IQCJ: variants seen among roughly 807,000 people sequenced by gnomAD.
IQCJ encodes the protein IQ domain-containing protein J.
Under a neutral mutation model 11.0 loss-of-function variants are expected in IQCJ, and 9 were observed. That is an observed-to-expected ratio of 0.82 (90% CI 0.49 to 1.43). The LOEUF (loss-of-function observed/expected upper bound fraction) is 1.43, where lower values mean the gene tolerates loss of function less well. Ranked by LOEUF, IQCJ falls within the 40% of genes most tolerant of loss-of-function variation. The pLI, the probability that IQCJ is intolerant of heterozygous loss-of-function variation, is 0.00. For synonymous variants in IQCJ, 55 were observed against 51.3 expected (o/e 1.07, Z -0.31); for missense variants, 146 against 133.2 (o/e 1.10, Z -0.47).
intron 1 of IQCJ, among the ~76,000 whole-genome samples, chr3:159,239,292 A>T (rs1726769002): frequency 6.6e-6 from 1 of 152,202 alleles, no homozygotes; most frequent in African/African-American, 2.4e-5. Flanking sequence ...TTAGTCATTG[A>T]CCTTATGTTT....
intron 1 of IQCJ, among the ~76,000 whole-genome samples, chr3:159,193,926 T>C (rs1723835406): frequency 6.6e-6 from 1 of 152,220 alleles, no homozygotes; most frequent in Admixed American, 6.5e-5. Context: ...AAAACTGGTA[T>C]GGCTGATGAC....
At chr3:159,117,102 C>A (rs780566352) in intron 1 of IQCJ, among the ~76,000 whole-genome samples, 2 of 152,190 alleles carry the variant, frequency 1.3e-5, no homozygotes, top group South Asian at 4.1e-4. Flanking sequence ...TACTTGCTGC[C>A]TTTGCCACCT....
chr3:159,077,852 C>T (rs551374887), intron 1 of IQCJ, among the ~76,000 whole-genome samples: 2 of 152,104 alleles, frequency 1.3e-5, no homozygotes, highest in Admixed American at 6.6e-5. Flanking sequence ...TCCTTTGTTC[C>T]CTTTACTGCC....
chr3:159,260,545 A>T (rs1456629206), intron 3 of IQCJ, among the ~76,000 whole-genome samples: 2 of 152,188 alleles, frequency 1.3e-5, no homozygotes, highest in African/African-American at 4.8e-5. Flanking sequence ...AACTCAGAGG[A>T]TGTGAACATC....
chr3:159,214,313 G>T (rs1324496141), intron 1 of IQCJ, among the ~76,000 whole-genome samples: 2 of 152,040 alleles, frequency 1.3e-5, no homozygotes, highest in Non-Finnish European at 2.9e-5. Flanking sequence ...ACAACCTGGG[G>T]GTAGCTCCAG....
At chr3:159,143,726 A>G (rs532086855) in intron 1 of IQCJ, among the ~76,000 whole-genome samples, 4 of 152,212 alleles carry the variant, frequency 2.6e-5, no homozygotes, top group African/African-American at 9.6e-5. Context: ...TAGCCAGTCA[A>G]CTCTTTCTGT....
chr3:159,258,324 A>T (rs1257983943), intron 3 of IQCJ, among the ~76,000 whole-genome samples: 1 of 152,184 alleles, frequency 6.6e-6, no homozygotes, highest in Non-Finnish European at 1.5e-5. Flanking sequence ...CCATGTGTGC[A>T]TCTCCAAACT....
At chr3:159,117,124 A>G (rs1379873122) in intron 1 of IQCJ, among the ~76,000 whole-genome samples, 1 of 152,138 alleles carries the variant, frequency 6.6e-6, no homozygotes, top group Non-Finnish European at 1.5e-5. Context: ...GCTTTCCCCT[A>G]ATTCCTTAAT....
chr3:159,220,414 A>T (rs1725470366), intron 1 of IQCJ, among the ~76,000 whole-genome samples: 1 of 152,142 alleles, frequency 6.6e-6, no homozygotes, highest in Non-Finnish European at 1.5e-5. Context: ...AGCACCAGGG[A>T]AATGTGGGCA....
intron 1 of IQCJ, among the ~76,000 whole-genome samples, chr3:159,240,109 A>G (rs1355709491): frequency 6.6e-6 from 1 of 152,132 alleles, no homozygotes; most frequent in Non-Finnish European, 1.5e-5. Context: ...AAAATAGGGG[A>G]TAAATGTGGA....
intron 1 of IQCJ, among the ~76,000 whole-genome samples, chr3:159,206,919 T>G (rs1724688126): frequency 6.6e-6 from 1 of 152,240 alleles, no homozygotes; most frequent in African/African-American, 2.4e-5. Flanking sequence ...ATTTGAAGTT[T>G]GAAAGGTACT....
In IQCJ at chr3:159,263,171, C is replaced by T. The variant is rs1728318958; in HGVS notation, c.*440C>T. On this transcript the variant is annotated 3_prime_UTR_variant, in exon 4 of 4. Coordinates refer to ENST00000397832, the MANE Select transcript of IQCJ (RefSeq NM_001042706.3). ...ATGACTGAGGTGGCTGAGCTGTGCC[C>T]CTGGCTACACGGAGAACATAGACCT... 1.5e-6 allele frequency: 1 copy of T among 657,226 alleles called. No homozygotes were observed. The highest frequency in any genetic ancestry group is 1.4e-4 in the East Asian group (1 of 7,392). 40.7% of individuals were successfully genotyped at this position (657,226 alleles called of 1,614,324 possible).
At chr3:159,264,202 G>A (rs1416216744), downstream of IQCJ, among the ~76,000 whole-genome samples, 2 of 152,194 alleles carry the variant, frequency 1.3e-5, no homozygotes, top group Admixed American at 1.3e-4. Flanking sequence ...GCTGAATCCA[G>A]TGATATCTAA....
At chr3:159,117,896 G>C (rs975756230) in intron 1 of IQCJ, among the ~76,000 whole-genome samples, 3 of 152,098 alleles carry the variant, frequency 2.0e-5, no homozygotes, top group Non-Finnish European at 4.4e-5. Context: ...TACTGTGCTA[G>C]GAGCTTCCAC....
At chr3:159,209,256 G>A (rs966991142) in intron 1 of IQCJ, among the ~76,000 whole-genome samples, 1 of 152,162 alleles carries the variant, frequency 6.6e-6, no homozygotes, top group African/African-American at 2.4e-5. Context: ...GACTACAGTA[G>A]ATGTGGCTTA....
intron 1 of IQCJ, among the ~76,000 whole-genome samples, chr3:159,082,883 A>G (rs1211580962): frequency 6.6e-6 from 1 of 152,152 alleles, no homozygotes; most frequent in Non-Finnish European, 1.5e-5. Context: ...TAGCAATGTC[A>G]TTGTTCAAAA....
At chr3:159,229,510 G>A (rs1327498881) in intron 1 of IQCJ, among the ~76,000 whole-genome samples, 1 of 151,698 alleles carries the variant, frequency 6.6e-6, no homozygotes, top group South Asian at 2.1e-4. Flanking sequence ...CTTCCCCTTC[G>A]GCCATTGCAG....
intron 1 of IQCJ, among the ~76,000 whole-genome samples, chr3:159,230,053 C>G (rs1190395866): frequency 6.6e-6 from 1 of 150,710 alleles, no homozygotes; most frequent in African/African-American, 2.5e-5. Context: ...CTTACCTCCA[C>G]CCTCTTATAA....
At chr3:159,176,947 A>C (rs889941911) in intron 1 of IQCJ, among the ~76,000 whole-genome samples, 5 of 152,208 alleles carry the variant, frequency 3.3e-5, no homozygotes, top group Non-Finnish European at 7.3e-5. Flanking sequence ...GGCCAGGAGA[A>C]TATAAAAAGC....
Sources: allele counts gnomAD v4.1 joint callset (sites outside exome capture counted in the v4.1 genomes callset), GRCh38; gene constraint gnomAD v4.1.1; transcripts MANE v1.5; gene names NCBI Gene and HGNC (gene_info 2026-07-23, HGNC 2026-07-21).